DACH1: variants seen among roughly 807,000 people sequenced by gnomAD.
DACH1 encodes dachshund homolog 1.
A neutral mutation model predicts 54.2 loss-of-function variants in DACH1; 12 were observed. That is an observed-to-expected ratio of 0.22 (90% CI 0.14 to 0.36). The LOEUF (loss-of-function observed/expected upper bound fraction) is 0.36. Ranked by LOEUF, DACH1 falls within the 10% of genes least tolerant of loss-of-function variation. The probability of loss-of-function intolerance (pLI) is 1.00; values close to 1 mark genes in which losing one functional copy is unlikely to be tolerated. For missense variants in DACH1, 805 were observed against 929.8 expected (o/e 0.87, Z 1.75); for synonymous variants, 386 against 366.2 (o/e 1.05, Z -0.62).
intron 6 of DACH1, among the ~76,000 whole-genome samples, chr13:71,532,194 C>T (rs1001152877): frequency 6.6e-6 from 1 of 151,842 alleles, no homozygotes; most frequent in Non-Finnish European, 1.5e-5. Context: ...ATAATTTTAG[C>T]TGGCAATAGT....
chr13:71,604,492 T>G (rs1397193275), intron 3 of DACH1, among the ~76,000 whole-genome samples: 2 of 151,984 alleles, frequency 1.3e-5, no homozygotes, highest in Non-Finnish European at 2.9e-5. Context: ...CTCAGAAGAA[T>G]GGACAATTTC....
rs1353765418 is a variant in DACH1, at chr13:71,489,078, T to C, written c.1641A>G (p.Gln547=). Residue 547 remains glutamine (Q), a synonymous_variant, in exon 7 of 11, where the codon CAA becomes CAG. Coordinates refer to ENST00000613252, the MANE Select transcript of DACH1 (RefSeq NM_080759.6). ...LDKLSLTGHG[Q]PLPPGFPSPF... ...GAGATGGAAAACCTGGAGGCAGTGG[T>C]TGTCCATGCCCAGTTAGAGAGAGTT... 1.9e-6 allele frequency: 3 copies of C among 1,613,868 alleles called. No individual in the cohort carries two copies. Among genetic ancestry groups the C allele is most frequent in the Non-Finnish European group, 2.5e-6 (3 of 1,179,850 alleles).
chr13:71,643,235 T>C (rs1878034840), intron 2 of DACH1, among the ~76,000 whole-genome samples: 1 of 152,190 alleles, frequency 6.6e-6, no homozygotes, highest in African/African-American at 2.4e-5. Flanking sequence ...TTTATTAGAT[T>C]TCATAATTCA....
intron 1 of DACH1, among the ~76,000 whole-genome samples, chr13:71,712,130 A>G (rs1413666383): frequency 6.6e-6 from 1 of 152,146 alleles, no homozygotes; most frequent in Non-Finnish European, 1.5e-5. Context: ...TTTTTAGTAT[A>G]ATAATAGAAA....
At chr13:71,518,724 G>C (rs1033116774) in intron 6 of DACH1, among the ~76,000 whole-genome samples, 1 of 151,610 alleles carries the variant, frequency 6.6e-6, no homozygotes, top group Non-Finnish European at 1.5e-5. Context: ...AGGCTGACAG[G>C]GGTGACTGAA....
chr13:71,546,084 T>C (rs1185069116), intron 6 of DACH1, among the ~76,000 whole-genome samples: 1 of 152,124 alleles, frequency 6.6e-6, no homozygotes, highest in Non-Finnish European at 1.5e-5. Context: ...TGTAGAAAAT[T>C]ACATTTTACT....
chr13:71,786,814 G>C (rs1886611687), intron 1 of DACH1, among the ~76,000 whole-genome samples: 1 of 151,994 alleles, frequency 6.6e-6, no homozygotes, highest in East Asian at 1.9e-4. Flanking sequence ...CTTTTCTAAT[G>C]TTTCTTCTTC....
chr13:71,554,646 C>T (rs1329787620), intron 6 of DACH1, among the ~76,000 whole-genome samples: 1 of 152,096 alleles, frequency 6.6e-6, no homozygotes, highest in Non-Finnish European at 1.5e-5. Flanking sequence ...CTCTTAGAAA[C>T]TTCCAGTAAT....
At chr13:71,551,078 T>C (rs1483844618) in intron 6 of DACH1, among the ~76,000 whole-genome samples, 1 of 152,130 alleles carries the variant, frequency 6.6e-6, no homozygotes, top group East Asian at 1.9e-4. Flanking sequence ...CAGGCTCCCA[T>C]ATAGTTGTTG....
At chr13:71,447,357 T>A (rs1237231492) in intron 10 of DACH1, among the ~76,000 whole-genome samples, 1 of 152,178 alleles carries the variant, frequency 6.6e-6, no homozygotes, top group Non-Finnish European at 1.5e-5. Flanking sequence ...AAATTTCTAG[T>A]TTTGTATTCA....
chr13:71,509,723 C>T (rs906284622), intron 6 of DACH1, among the ~76,000 whole-genome samples: 1 of 152,018 alleles, frequency 6.6e-6, no homozygotes, highest in Admixed American at 6.6e-5. Context: ...GCAATTGTAC[C>T]TTTCTTTTAC....
At chr13:71,660,302 C>T (rs1879405037) in intron 2 of DACH1, among the ~76,000 whole-genome samples, 1 of 151,962 alleles carries the variant, frequency 6.6e-6, no homozygotes, top group African/African-American at 2.4e-5. Context: ...CAGTCACCTG[C>T]TTAATGTTAG....
chr13:71,656,970 A>G (rs965175990), intron 2 of DACH1, among the ~76,000 whole-genome samples: 5 of 142,602 alleles, frequency 3.5e-5, no homozygotes, highest in Non-Finnish European at 4.6e-5. Flanking sequence ...ATATGCACAT[A>G]TATATGAACA....
chr13:71,847,540 G>A (rs912678121), intron 1 of DACH1, among the ~76,000 whole-genome samples: 5 of 152,084 alleles, frequency 3.3e-5, no homozygotes, highest in East Asian at 1.9e-4. Flanking sequence ...TTGAAAAATC[G>A]CCGTATCATC....
chr13:71,665,560 C>T (rs2138663498), intron 2 of DACH1, among the ~76,000 whole-genome samples: 1 of 152,056 alleles, frequency 6.6e-6, no homozygotes, highest in East Asian at 1.9e-4. Flanking sequence ...GACCAAAACG[C>T]CTACTATGCA....
intron 1 of DACH1, among the ~76,000 whole-genome samples, chr13:71,802,741 T>C (rs944331004): frequency 6.6e-6 from 1 of 152,042 alleles, no homozygotes; most frequent in Non-Finnish European, 1.5e-5. Flanking sequence ...ATAAAAAATA[T>C]ACCATTGTTT....
intron 1 of DACH1, among the ~76,000 whole-genome samples, chr13:71,721,886 A>G (rs534508231): frequency 6.6e-6 from 1 of 152,270 alleles, no homozygotes; most frequent in South Asian, 2.1e-4. Flanking sequence ...ATAGACACTT[A>G]AAGTTATGAA....
intron 3 of DACH1, among the ~76,000 whole-genome samples, chr13:71,590,939 C>T (rs1267810430): frequency 1.6e-5 from 2 of 127,758 alleles, no homozygotes; most frequent in Admixed American, 1.0e-4. Context: ...AGTGCAGGGG[C>T]GCCATCTCAG....
At chr13:71,597,353 A>T (rs1177377941) in intron 3 of DACH1, among the ~76,000 whole-genome samples, 1 of 152,258 alleles carries the variant, frequency 6.6e-6, no homozygotes, top group Admixed American at 6.5e-5. Flanking sequence ...TTCTGTACAC[A>T]ATAAGTATAC....
Sources: allele counts gnomAD v4.1 joint callset (sites outside exome capture counted in the v4.1 genomes callset), GRCh38; gene constraint gnomAD v4.1.1; transcripts MANE v1.5; gene names NCBI Gene and HGNC (gene_info 2026-07-23, HGNC 2026-07-21).